Variants in FBXO31 observed in about 807,000 individuals in gnomAD.
FBXO31 encodes F-box protein 31.
A neutral mutation model predicts 54.4 loss-of-function variants in FBXO31; 24 were observed. That is an observed-to-expected ratio of 0.44 (90% CI 0.32 to 0.62). FBXO31 has a LOEUF of 0.62. Among genes scored for constraint, FBXO31 ranks in the 20% least tolerant of loss-of-function variants. FBXO31 has a pLI of 0.05. For missense variants in FBXO31, 665 were observed against 787.1 expected, an observed-to-expected ratio of 0.84 and a Z score of 1.86; for synonymous variants, 388 against 335.6, an observed-to-expected ratio of 1.16 and a Z score of -1.71.
upstream of FBXO31, chr16:87,384,038 C>T (rs967651182): frequency 1.1e-4 from 21 of 184,004 alleles, no homozygotes; most frequent in African/African-American, 3.8e-4. Context: ...GTGTGAGGCT[C>T]GAACTCACGA....
At position 87,358,910 on chromosome 16, in the gene FBXO31, C is replaced by T. The variant is rs1298266673; in HGVS notation, c.412+1385G>A. On this transcript the variant is annotated intron_variant, in intron 2 of 8. Coordinates refer to ENST00000311635, the MANE Select transcript of FBXO31 (RefSeq NM_024735.5). The surrounding 1 kb of genome is among the most constrained non-coding windows in gnomAD (Gnocchi z 4.0). ...GCTAACATACTCACTTTGCCCAGCA[C>T]CCACCTGGCGTTTCCCAGCCTGCTA... Among the ~76,000 whole-genome samples, 2 of 152,176 alleles carry T rather than the reference C, an allele frequency of 1.3e-5. No individual in the cohort carries two copies. The highest frequency in any genetic ancestry group is 4.8e-5 in the African/African-American group (2 of 41,442).
rs143027787 is a variant in FBXO31, at chr16:87,334,245, G to A, written c.1038C>T (p.Ile346=). 21 of 1,607,088 alleles carry A rather than the reference G, an allele frequency of 1.3e-5. No individual in the cohort carries two copies. The highest frequency in any genetic ancestry group is 3.4e-5 in the Admixed American group (2 of 59,468). Residue 346 remains isoleucine (I), a synonymous_variant, in exon 8 of 9, where the codon ATC becomes ATT. Transcript: ENST00000311635. The part of the protein sequence containing the change: ...NIPAGQQTVE[I]DLRHRIQLPD... The stretch of plus-strand genomic sequence containing the variant: ...GCAGCTGGATCCGATGCCTCAGGTC[G>A]ATCTCCACTGTCTGCTGCCCAGCGG...
chr16:87,366,683 T>C (rs753204539), intron 1 of FBXO31, among the ~76,000 whole-genome samples: 33 of 152,088 alleles, frequency 2.2e-4, no homozygotes, highest in Admixed American at 5.2e-4. Context: ...CCACAGTTGC[T>C]GGTAAAGAAA....
At chr16:87,337,902 A>C (rs1905081434) in intron 5 of FBXO31, among the ~76,000 whole-genome samples, 1 of 152,218 alleles carries the variant, frequency 6.6e-6, no homozygotes, top group South Asian at 2.1e-4. Context: ...TTTAGGATTC[A>C]GAAAATAACC....
chr16:87,389,104 AGTT>A (rs1425430025), intron 1 of FBXO31, among the ~76,000 whole-genome samples: 4 of 151,940 alleles, frequency 2.6e-5, no homozygotes, highest in Admixed American at 6.6e-5. Flanking sequence ...AGTTACATGA[AGTT>A]GTTTCTTATA....
At chr16:87,382,703 G>A (rs1335566767) in intron 1 of FBXO31, among the ~76,000 whole-genome samples, 1 of 152,168 alleles carries the variant, frequency 6.6e-6, no homozygotes, top group African/African-American at 2.4e-5. Flanking sequence ...CCAGATGTTG[G>A]CTCAGTGCAA....
intron 1 of FBXO31, among the ~76,000 whole-genome samples, chr16:87,376,138 G>T (rs1400433530): frequency 3.9e-5 from 6 of 152,122 alleles, no homozygotes; most frequent in Non-Finnish European, 8.8e-5. Flanking sequence ...AAACACGCAA[G>T]CCTCACCCAC....
intron 3 of FBXO31, among the ~76,000 whole-genome samples, chr16:87,344,980 C>T (rs1363635712): frequency 7.2e-4 from 106 of 146,668 alleles, no homozygotes; most frequent in African/African-American, 2.7e-3. Flanking sequence ...CCCATCCCTG[C>T]CCCGAACCCC....
At chr16:87,350,983 T>G (rs1381269889) in intron 2 of FBXO31, among the ~76,000 whole-genome samples, 1 of 152,228 alleles carries the variant, frequency 6.6e-6, no homozygotes, top group Non-Finnish European at 1.5e-5. Flanking sequence ...TCGCTGTACT[T>G]TGGAAGCAAC....
At chr16:87,387,287 T>C (rs1907356086), upstream of FBXO31, among the ~76,000 whole-genome samples, 1 of 152,180 alleles carries the variant, frequency 6.6e-6, no homozygotes, top group Non-Finnish European at 1.5e-5. Context: ...TACAATCCTT[T>C]ATGTAGAAAT....
intron 1 of FBXO31, among the ~76,000 whole-genome samples, chr16:87,376,809 T>C (rs771082006): frequency 1.3e-5 from 2 of 152,216 alleles, no homozygotes; most frequent in African/African-American, 2.4e-5. Context: ...GGGCCAGCCC[T>C]GTTTCTCACT....
upstream of FBXO31, among the ~76,000 whole-genome samples, chr16:87,391,150 A>C (rs2150706721): frequency 6.6e-6 from 1 of 152,246 alleles, no homozygotes; most frequent in African/African-American, 2.4e-5. Flanking sequence ...CAGGAGTTCA[A>C]GACCAGCCCG....
Position 87,329,757 on chromosome 16 carries a change from C to G in FBXO31, c.*1531G>C, listed in dbSNP as rs1420825688. 1 of 152,268 alleles carries G rather than the reference C, an allele frequency of 6.6e-6. No homozygotes were observed. Among genetic ancestry groups the G allele is most frequent in the Non-Finnish European group, 1.5e-5 (1 of 68,046 alleles). The allele number at this position is 152,268 out of a possible 1,614,324, so 9.4% of individuals were successfully genotyped here. The stretch of plus-strand genomic sequence containing the variant: ...TTCTCCACTGGCTTTTCTCGTGAGT[C>G]TTTCTCCCAGGCCGGCCAGATTACC... On this transcript the variant is annotated 3_prime_UTR_variant, in exon 9 of 9. Transcript: ENST00000311635.
At chr16:87,362,992 A>T (rs1360235400) in intron 1 of FBXO31, among the ~76,000 whole-genome samples, 2 of 152,204 alleles carry the variant, frequency 1.3e-5, no homozygotes, top group African/African-American at 4.8e-5. Context: ...TGAGGAGCTG[A>T]CATGCAGCAT....
rs1905411978 is a variant in FBXO31, at chr16:87,346,875, GC to G, written c.489+298del. 1.3e-5 allele frequency among the ~76,000 whole-genome samples: 2 copies of G among 152,298 alleles called. No individual in the cohort carries two copies. The highest frequency in any genetic ancestry group is 4.1e-4 in the South Asian group (2 of 4,828). ...TGGCTGAGGGCGGGCTCCAGACCCC[GC>G]CAACATGTGCGCGATGGGCCTCAGC... On this transcript the variant is annotated intron_variant, in intron 3 of 8. Coordinates refer to ENST00000311635, the MANE Select transcript of FBXO31 (RefSeq NM_024735.5). The surrounding 1 kb of genome is among the most constrained non-coding windows in gnomAD (Gnocchi z 4.2).
upstream of FBXO31, among the ~76,000 whole-genome samples, chr16:87,386,394 T>C (rs1341843438): frequency 1.3e-5 from 2 of 152,358 alleles, no homozygotes; most frequent in Middle Eastern, 3.4e-3. Flanking sequence ...ATGAATTGTA[T>C]GCAGGACGAT....
In FBXO31 at chr16:87,347,349, A is replaced by T. The variant is rs190514557; in HGVS notation, c.413-99T>A. On this transcript the variant is annotated intron_variant, in intron 2 of 8. Transcript: ENST00000311635. ...GGAGGAAGGAACCATGAGGACTCAC[A>T]AAAGGCTTGCAAGAGCCCTCCAAAC... 1,556 of 1,007,024 alleles carry T rather than the reference A, an allele frequency of 1.5e-3. 12 individuals are homozygous for T. The African/African-American group carries it at 0.022, about 14-fold the overall frequency. The allele number at this position is 1,007,024 out of a possible 1,614,324, so 62.4% of individuals were successfully genotyped here. A position where few individuals can be genotyped will look rare whatever the true frequency, so the allele number is the denominator to read the frequency against.
At chr16:87,352,459 A>T (rs1326296222) in intron 2 of FBXO31, among the ~76,000 whole-genome samples, 1 of 152,194 alleles carries the variant, frequency 6.6e-6, no homozygotes, top group African/African-American at 2.4e-5. Flanking sequence ...TAACCAAAAA[A>T]AAAATTGTTA....
intron 1 of FBXO31, among the ~76,000 whole-genome samples, chr16:87,363,990 C>G (rs569429176): frequency 2.0e-5 from 3 of 152,196 alleles, no homozygotes; most frequent in Non-Finnish European, 4.4e-5. Context: ...GGGAAAGACG[C>G]TGATGCAGAG....
Sources: gnomAD v4.1 joint callset for allele counts (sites outside exome capture counted in the v4.1 genomes callset) on GRCh38, gnomAD v4.1.1 for gene constraint, Gnocchi (gnomAD v3.1) non-coding constraint, MANE v1.5 for transcripts, NCBI Gene and HGNC (gene_info 2026-07-23, HGNC 2026-07-21) for gene names.